EHMT1: variants seen among roughly 807,000 people sequenced by gnomAD.
EHMT1 encodes the protein euchromatic histone lysine methyltransferase 1, also known as histone-lysine N-methyltransferase EHMT1.
In EHMT1, 15 loss-of-function variants were observed where a neutral mutation model predicts 147.2. That is an observed-to-expected ratio of 0.10 (90% CI 0.07 to 0.16). The LOEUF (loss-of-function observed/expected upper bound fraction) is 0.16. EHMT1 is among the 10% of genes least tolerant of loss of function. EHMT1 has a pLI of 1.00. For missense variants in EHMT1, 1,587 were observed against 1,772.4 expected (o/e 0.90, Z 1.88); for synonymous variants, 795 against 709.6 (o/e 1.12, Z -1.91).
intron 1 of EHMT1, among the ~76,000 whole-genome samples, chr9:137,643,468 G>C (rs1165221197): frequency 6.6e-6 from 1 of 151,294 alleles, no homozygotes; most frequent in Non-Finnish European, 1.5e-5. Context: ...AGCCTTCCGA[G>C]TAGCTGGGAC....
chr9:137,754,297 T>C lies in EHMT1; in HGVS notation c.1369+6T>C. 6.2e-7 allele frequency: 1 copy of C among 1,613,756 alleles called. No individual in the cohort carries two copies. ...GAAGCCCAGCGGTGCCCTCGGTAAA[T>C]GCCGTGGGGGTGTGGGCCATCACGG... is the stretch of plus-strand genomic sequence containing the variant. On this transcript the variant is annotated splice_donor_region_variant and intron_variant, in intron 8 of 26. Coordinates refer to ENST00000460843, the MANE Select transcript of EHMT1 (RefSeq NM_024757.5).
In EHMT1 at chr9:137,670,867, C is replaced by T. The variant is rs534264630; in HGVS notation, c.22-40100C>T. Among the ~76,000 whole-genome samples the T allele has an allele frequency of 1.6e-4, 24 of 152,268 alleles. No homozygotes were observed. The South Asian group carries it at 4.6e-3, about 29-fold the overall frequency. ...TCCGCTCGCCTTTGCCGCCGTCTTC[C>T]TTCTGGGAGGGCTTTCTCGGAGTGC... On this transcript the variant is annotated intron_variant, in intron 1 of 26. Transcript: ENST00000460843.
intron 4 of EHMT1, among the ~76,000 whole-genome samples, chr9:137,739,050 T>C (rs3125789): frequency 0.13 from 20,028 of 151,476 alleles, 3,044 homozygotes; most frequent in African/African-American, 0.38. Flanking sequence ...ATGGTAAATT[T>C]TGTGGTGTGT....
At chr9:137,653,632 G>A (rs1171560780) in intron 1 of EHMT1, among the ~76,000 whole-genome samples, 3 of 152,084 alleles carry the variant, frequency 2.0e-5, no homozygotes, top group South Asian at 2.1e-4. Context: ...AGTTTCAAGC[G>A]ATTCTCCTGC....
At chr9:137,823,658 G>T (rs1204782296) in intron 25 of EHMT1, among the ~76,000 whole-genome samples, 3 of 150,010 alleles carry the variant, frequency 2.0e-5, no homozygotes, top group Non-Finnish European at 4.4e-5. Flanking sequence ...TGATCCGCCC[G>T]CCTCGGCCTC....
At chr9:137,662,398 A>G (rs886193397) in intron 1 of EHMT1, among the ~76,000 whole-genome samples, 4 of 151,808 alleles carry the variant, frequency 2.6e-5, no homozygotes, top group African/African-American at 7.3e-5. Flanking sequence ...GAGTCTCTCC[A>G]TGTTGCCCAG....
intron 18 of EHMT1, among the ~76,000 whole-genome samples, chr9:137,809,900 G>A (rs1214863035): frequency 1.4e-5 from 2 of 143,870 alleles, no homozygotes; most frequent in African/African-American, 2.9e-5. Flanking sequence ...AGGCGGTTCC[G>A]ATGCCGCCCT....
chr9:137,733,549 T>TCTG (rs1322384741), intron 4 of EHMT1, among the ~76,000 whole-genome samples: 1 of 152,220 alleles, frequency 6.6e-6, no homozygotes, highest in Admixed American at 6.5e-5. Context: ...CAGTTTCAGC[T>TCTG]CTGCTGCCCA....
intron 1 of EHMT1, among the ~76,000 whole-genome samples, chr9:137,671,047 C>G (rs1306710359): frequency 3.9e-5 from 6 of 152,124 alleles, no homozygotes; most frequent in Admixed American, 2.0e-4. Context: ...AGGGCTGTCC[C>G]GGGCCGTGAG....
chr9:137,631,107 G>A (rs1421289052), intron 1 of EHMT1, among the ~76,000 whole-genome samples: 2 of 152,114 alleles, frequency 1.3e-5, no homozygotes, highest in Non-Finnish European at 2.9e-5. Flanking sequence ...AAGTATGGCC[G>A]TGTGTGGTGG....
Position 137,777,971 on chromosome 9 carries a change from G to A in EHMT1, c.2108G>A (p.Gly703Glu). 1.2e-6 allele frequency: 2 copies of A among 1,613,816 alleles called. No homozygotes were observed. Among genetic ancestry groups the A allele is most frequent in the Non-Finnish European group, 1.7e-6 (2 of 1,180,038 alleles). Reference protein sequence around the residue: ...PEGFDPTGPAGLGRPTPGLSQ... With the variant: ...PEGFDPTGPAELGRPTPGLSQ... The stretch of plus-strand genomic sequence containing the variant: ...GGCTTTGATCCAACGGGACCTGCTG[G>A]GCTTGGGAGGCCAACTCCCGGCCTT... The change falls in exon 13 of 27, where the codon GGG (glycine) becomes GAG (glutamate). Residue 703 changes from glycine (G) to glutamate (E), a missense_variant. By Grantham distance (98) the Gly-to-Glu change is moderately conservative. Coordinates refer to ENST00000460843, the MANE Select transcript of EHMT1 (RefSeq NM_024757.5).
Position 137,813,603 on chromosome 9 carries a change from C to A in EHMT1, c.3180+73C>A. 1 of 1,595,496 alleles carries A rather than the reference C, an allele frequency of 6.3e-7. No homozygotes were observed. The highest frequency in any genetic ancestry group is 8.5e-7 in the Non-Finnish European group (1 of 1,172,464). ...GGCAGAAGCTTCTTGAGCCTGGGGT[C>A]CTGGGTTCTCACCACTCAGAGCAGG... On this transcript the variant is annotated intron_variant, in intron 21 of 26. Coordinates refer to ENST00000460843, the MANE Select transcript of EHMT1 (RefSeq NM_024757.5). This position sits in a 1 kb window ranked among gnomAD's most constrained non-coding sequence, Gnocchi z 4.9.
chr9:137,833,132 G>T (rs900362195), intron 25 of EHMT1, among the ~76,000 whole-genome samples: 1 of 152,198 alleles, frequency 6.6e-6, no homozygotes, highest in East Asian at 1.9e-4. Flanking sequence ...TTGTTGGTTT[G>T]GGTTTTAACC....
intron 4 of EHMT1, among the ~76,000 whole-genome samples, chr9:137,736,751 C>T (rs548892265): frequency 2.0e-5 from 3 of 152,208 alleles, no homozygotes; most frequent in East Asian, 1.9e-4. Context: ...ATTAGCTGGG[C>T]GTGGTGGCAC....
chr9:137,830,861 C>G (rs576813925), intron 25 of EHMT1, among the ~76,000 whole-genome samples: 3 of 152,322 alleles, frequency 2.0e-5, no homozygotes, highest in East Asian at 3.9e-4. Flanking sequence ...TCTCCATGTT[C>G]TCTGTATTCT....
At chr9:137,736,719 C>T (rs1031016872) in intron 4 of EHMT1, among the ~76,000 whole-genome samples, 1 of 152,094 alleles carries the variant, frequency 6.6e-6, no homozygotes, top group Non-Finnish European at 1.5e-5. Flanking sequence ...GGTGAAACCC[C>T]ATCTCTACTA....
chr9:137,796,686 A>G (rs1952972421), intron 16 of EHMT1, among the ~76,000 whole-genome samples: 1 of 131,622 alleles, frequency 7.6e-6, no homozygotes, highest in African/African-American at 2.8e-5. Flanking sequence ...CCTGGGCGAC[A>G]GAGCCAGACT....
chr9:137,816,274 C>T (rs1954912530), intron 23 of EHMT1: 6 of 615,174 alleles, frequency 9.8e-6, no homozygotes, highest in East Asian at 2.9e-5. Flanking sequence ...GCACAGACTT[C>T]GGCATGAGAG....
intron 1 of EHMT1, among the ~76,000 whole-genome samples, chr9:137,657,947 C>T (rs1378711660): frequency 6.6e-6 from 1 of 152,050 alleles, no homozygotes; most frequent in East Asian, 1.9e-4. Flanking sequence ...TTTTAGCTCC[C>T]CCACATAGAT....
Sources: gnomAD v4.1 joint callset for allele counts (sites outside exome capture counted in the v4.1 genomes callset) on GRCh38, gnomAD v4.1.1 for gene constraint, Gnocchi (gnomAD v3.1) non-coding constraint, MANE v1.5 for transcripts, NCBI Gene and HGNC (gene_info 2026-07-23, HGNC 2026-07-21) for gene names.